The following SSPN variants were observed in gnomAD, a reference collection of about 807,000 sequenced individuals.
SSPN encodes K-ras oncogene-associated protein.
SSPN carries 15 observed loss-of-function variants against 19.1 expected under a neutral mutation model. That is an observed-to-expected ratio of 0.78 (90% CI 0.52 to 1.21). The LOEUF (loss-of-function observed/expected upper bound fraction) is 1.21. Among genes scored for constraint, SSPN ranks in the 50% most tolerant of loss-of-function variants. The probability of loss-of-function intolerance (pLI) is 0.00; values close to 1 mark genes in which losing one functional copy is unlikely to be tolerated. For synonymous variants in SSPN, 147 were observed against 140.3 expected (o/e 1.05, Z -0.34); for missense variants, 291 against 314.0 (o/e 0.93, Z 0.55).
intron 2 of SSPN, among the ~76,000 whole-genome samples, chr12:26,226,984 C>T (rs1350676083): frequency 2.6e-5 from 4 of 152,084 alleles, no homozygotes; most frequent in African/African-American, 9.7e-5. Flanking sequence ...ACATAAGCGC[C>T]CGGGGCCACC....
intron 1 of SSPN, among the ~76,000 whole-genome samples, chr12:26,128,245 A>G (rs1309175860): frequency 6.6e-6 from 1 of 152,128 alleles, no homozygotes; most frequent in Non-Finnish European, 1.5e-5. Flanking sequence ...TGTGTGAATG[A>G]AATTGTGTGG....
chr12:26,173,480 A>G (rs531658296), intron 1 of SSPN, among the ~76,000 whole-genome samples: 43 of 152,250 alleles, frequency 2.8e-4, no homozygotes, highest in Non-Finnish European at 4.1e-4. Context: ...CTCTTCTGCT[A>G]TCATGCTCTT....
At chr12:26,173,490 T>G (rs1484137258) in intron 1 of SSPN, among the ~76,000 whole-genome samples, 2 of 152,206 alleles carry the variant, frequency 1.3e-5, no homozygotes, top group African/African-American at 4.8e-5. Context: ...ATCATGCTCT[T>G]TTTCTTTTTC....
At chr12:26,122,787 C>T (rs761662174) in intron 1 of SSPN, 2 of 1,590,304 alleles carry the variant, frequency 1.3e-6, no homozygotes, top group Non-Finnish European at 1.7e-6. Context: ...GGCTTCGCCG[C>T]CGTAGCCGCT....
At chr12:26,159,918 T>C (rs1264571304) in intron 1 of SSPN, among the ~76,000 whole-genome samples, 1 of 152,170 alleles carries the variant, frequency 6.6e-6, no homozygotes, top group East Asian at 1.9e-4. Context: ...TTGATCAGGA[T>C]CCCTTGTTAG....
chr12:26,141,797 GT>G (rs1944461831), intron 1 of SSPN, among the ~76,000 whole-genome samples: 2 of 152,158 alleles, frequency 1.3e-5, no homozygotes, highest in African/African-American at 4.8e-5. Flanking sequence ...GTGAATGTAT[GT>G]TTTTTAAAAA....
At chr12:26,142,714 A>C (rs1425524046) in intron 1 of SSPN, among the ~76,000 whole-genome samples, 1 of 152,230 alleles carries the variant, frequency 6.6e-6, no homozygotes, top group Non-Finnish European at 1.5e-5. Context: ...CATGGAGATT[A>C]GAAGAGAAGT....
chr12:26,184,059 A>G (rs980558407), intron 1 of SSPN, among the ~76,000 whole-genome samples: 2 of 152,210 alleles, frequency 1.3e-5, no homozygotes, highest in African/African-American at 4.8e-5. Context: ...CCAGCTTCCA[A>G]CCAATGAGCT....
chr12:26,220,247 CAAAA>C (rs58022147), intron 1 of SSPN, among the ~76,000 whole-genome samples: 112 of 114,420 alleles, frequency 9.8e-4, no homozygotes, highest in East Asian at 8.8e-3. Context: ...AAGCTGTAGG[CAAAA>C]AAAAAAAAAA....
At position 26,232,130 on chromosome 12, in the gene SSPN, G is replaced by A; in HGVS notation, c.*1054G>A. On this transcript the variant is annotated 3_prime_UTR_variant, in exon 3 of 3. Transcript: ENST00000242729. ...GATATGTTGAAAAGCATCTCTCTTG[G>A]CAACCAATCTATGTTTGAGGAAGAT... The A allele has an allele frequency of 5.1e-6, 5 of 985,430 alleles. No homozygotes were observed. Among genetic ancestry groups the A allele is most frequent in the Non-Finnish European group, 6.0e-6 (5 of 829,914 alleles). The allele number at this position is 985,430 out of a possible 1,614,324, so 61.0% of individuals were successfully genotyped here. A position where few individuals can be genotyped will look rare whatever the true frequency, so the allele number is the denominator to read the frequency against.
intron 1 of SSPN, among the ~76,000 whole-genome samples, chr12:26,127,092 C>T (rs1047301110): frequency 2.0e-5 from 3 of 152,080 alleles, no homozygotes; most frequent in African/African-American, 7.2e-5. Context: ...ATTAAAACAC[C>T]AGGTCCCCTT....
intron 1 of SSPN, among the ~76,000 whole-genome samples, chr12:26,205,738 G>T (rs973449533): frequency 1.3e-5 from 2 of 152,212 alleles, no homozygotes; most frequent in African/African-American, 2.4e-5. Flanking sequence ...GCAAATGTAT[G>T]ATCATAAATG....
intron 1 of SSPN, among the ~76,000 whole-genome samples, chr12:26,223,314 G>A (rs896802650): frequency 2.0e-5 from 3 of 152,132 alleles, no homozygotes; most frequent in Non-Finnish European, 2.9e-5. Context: ...AGATTCAAGC[G>A]ATTCTCCTGC....
chr12:26,200,118 T>G (rs1944864768), intron 1 of SSPN, among the ~76,000 whole-genome samples: 1 of 152,234 alleles, frequency 6.6e-6, no homozygotes. Flanking sequence ...AGAATTTCTT[T>G]GCCTTATTAT....
intron 1 of SSPN, among the ~76,000 whole-genome samples, chr12:26,159,987 C>A (rs1276885759): frequency 2.6e-5 from 4 of 152,160 alleles, no homozygotes; most frequent in African/African-American, 9.7e-5. Flanking sequence ...TGACATCTGC[C>A]TCTTGATGAG....
intron 1 of SSPN, among the ~76,000 whole-genome samples, chr12:26,172,228 A>G (rs539822517): frequency 2.0e-5 from 3 of 152,336 alleles, no homozygotes; most frequent in Admixed American, 2.0e-4. Flanking sequence ...TAAAGTATAC[A>G]TTCACCTTAG....
chr12:26,170,961 G>A (rs1017636294), intron 1 of SSPN, among the ~76,000 whole-genome samples: 1 of 152,198 alleles, frequency 6.6e-6, no homozygotes, highest in Admixed American at 6.5e-5. Context: ...AATAGGGATT[G>A]TTTTAATCCT....
At chr12:26,156,837 C>A (rs1944558608) in intron 1 of SSPN, among the ~76,000 whole-genome samples, 1 of 152,162 alleles carries the variant, frequency 6.6e-6, no homozygotes, top group Non-Finnish European at 1.5e-5. Context: ...AGGCTTATAG[C>A]ATAGGTTTGT....
chr12:26,200,088 G>T (rs1944864545), intron 1 of SSPN, among the ~76,000 whole-genome samples: 1 of 152,176 alleles, frequency 6.6e-6, no homozygotes, highest in African/African-American at 2.4e-5. Context: ...CCCTTGTAGG[G>T]AATATTCCCA....
Sources: allele counts gnomAD v4.1 joint callset (sites outside exome capture counted in the v4.1 genomes callset), GRCh38; gene constraint gnomAD v4.1.1; transcripts MANE v1.5; gene names NCBI Gene and HGNC (gene_info 2026-07-23, HGNC 2026-07-21).